Variants in TMEM132D observed in about 807,000 individuals in gnomAD.
The protein encoded by TMEM132D is transmembrane protein 132D, also known as mature OL transmembrane protein.
In TMEM132D, 21 loss-of-function variants were observed where a neutral mutation model predicts 62.3. That is an observed-to-expected ratio of 0.34 (90% confidence interval 0.24 to 0.49). TMEM132D has a LOEUF of 0.49. TMEM132D is among the 20% of genes least tolerant of loss of function. TMEM132D has a pLI of 0.99. For synonymous variants in TMEM132D, 621 were observed against 575.6 expected, an observed-to-expected ratio of 1.08 and a Z score of -1.13; for missense variants, 1,346 against 1,402.8, an observed-to-expected ratio of 0.96 and a Z score of 0.65.
At chr12:129,228,478 T>TA (rs981552046) in intron 4 of TMEM132D, among the ~76,000 whole-genome samples, 10 of 152,030 alleles carry the variant, frequency 6.6e-5, no homozygotes, top group Non-Finnish European at 1.2e-4. Context: ...TTTATTGCCT[T>TA]AAAAAAAATC....
At chr12:129,185,323 G>GA (rs1224004006) in intron 5 of TMEM132D, among the ~76,000 whole-genome samples, 3 of 151,770 alleles carry the variant, frequency 2.0e-5, no homozygotes, top group Admixed American at 2.0e-4. Flanking sequence ...AGCAGTTACA[G>GA]AAAAAAAGAA....
At chr12:129,235,880 G>A (rs1453542681) in intron 4 of TMEM132D, among the ~76,000 whole-genome samples, 1 of 152,048 alleles carries the variant, frequency 6.6e-6, no homozygotes, top group African/African-American at 2.4e-5. Flanking sequence ...ACATTTCTAT[G>A]AGAAATGCCA....
intron 3 of TMEM132D, among the ~76,000 whole-genome samples, chr12:129,492,764 C>T (rs961402731): frequency 2.0e-5 from 3 of 152,066 alleles, no homozygotes; most frequent in African/African-American, 4.8e-5. Context: ...TAGAGTCACG[C>T]GAGACTGCTT....
At chr12:129,427,452 T>A (rs1566065252) in intron 3 of TMEM132D, among the ~76,000 whole-genome samples, 3 of 152,074 alleles carry the variant, frequency 2.0e-5, no homozygotes, top group Non-Finnish European at 4.4e-5. Flanking sequence ...ATATACCTAA[T>A]GTTAAATGAC....
chr12:129,629,526 G>A (rs953337905), intron 2 of TMEM132D, among the ~76,000 whole-genome samples: 4 of 152,112 alleles, frequency 2.6e-5, no homozygotes, highest in African/African-American at 9.6e-5. Flanking sequence ...ATCCCATCTC[G>A]GTTTAACTCT....
chr12:129,275,953 C>T (rs1880994302), intron 4 of TMEM132D, among the ~76,000 whole-genome samples: 1 of 152,172 alleles, frequency 6.6e-6, no homozygotes, highest in Non-Finnish European at 1.5e-5. Context: ...ACAGCGTGGG[C>T]CATGCTGCAG....
intron 3 of TMEM132D, among the ~76,000 whole-genome samples, chr12:129,392,382 C>G (rs867271170): frequency 7.9e-5 from 12 of 152,180 alleles, no homozygotes; most frequent in Non-Finnish European, 1.0e-4. Flanking sequence ...CTTAAAAGTT[C>G]CCAGCTGACT....
At chr12:129,191,778 C>T (rs555404545) in intron 5 of TMEM132D, among the ~76,000 whole-genome samples, 1 of 144,388 alleles carries the variant, frequency 6.9e-6, no homozygotes, top group Non-Finnish European at 1.5e-5. Context: ...CACACACACA[C>T]ATACACACAC....
At chr12:129,704,705 G>A (rs565474129) in intron 1 of TMEM132D, among the ~76,000 whole-genome samples, 72 of 152,026 alleles carry the variant, frequency 4.7e-4, no homozygotes, top group African/African-American at 1.3e-3. Flanking sequence ...AACATGCAAC[G>A]CCAATGTAAA....
rs1871036095 is a variant in TMEM132D, at chr12:129,779,066, G to A, written c.80-78368C>T. Among the ~76,000 whole-genome samples the A allele has an allele frequency of 6.6e-6, 1 of 152,134 alleles. No individual in the cohort carries two copies. Among genetic ancestry groups the A allele is most frequent in the African/African-American group, 2.4e-5 (1 of 41,408 alleles). On this transcript the variant is annotated intron_variant, in intron 1 of 8. Coordinates refer to ENST00000422113, the MANE Select transcript of TMEM132D (RefSeq NM_133448.3). The surrounding 1 kb of genome is among the most constrained non-coding windows in gnomAD (Gnocchi z 4.1). ...TGGCTGAGAGGGAGCCTGACCCCTT[G>A]CCTCTTTTTCCGTCAATGTCCTTAC...
At chr12:129,767,008 CT>C (rs1203341736) in intron 1 of TMEM132D, among the ~76,000 whole-genome samples, 1 of 152,202 alleles carries the variant, frequency 6.6e-6, no homozygotes, top group East Asian at 1.9e-4. Context: ...ACAGCCGCCC[CT>C]GGGCTGTTGC....
intron 3 of TMEM132D, among the ~76,000 whole-genome samples, chr12:129,397,446 C>T (rs2135698157): frequency 6.6e-6 from 1 of 152,274 alleles, no homozygotes; most frequent in Middle Eastern, 3.4e-3. Context: ...CTGACGAACA[C>T]CGTAAAACTA....
At chr12:129,369,023 AGACCCT>A (rs1870512722) in intron 3 of TMEM132D, among the ~76,000 whole-genome samples, 1 of 152,216 alleles carries the variant, frequency 6.6e-6, no homozygotes. Flanking sequence ...TAGAAGGTTG[AGACCCT>A]GTGGTATCAA....
intron 3 of TMEM132D, among the ~76,000 whole-genome samples, chr12:129,456,182 C>A (rs2135729471): frequency 6.6e-6 from 1 of 152,272 alleles, no homozygotes; most frequent in East Asian, 1.9e-4. Flanking sequence ...TTACTCTCCC[C>A]ACTAATGCCA....
chr12:129,547,853 CAG>C (rs1876782494), intron 2 of TMEM132D, among the ~76,000 whole-genome samples: 1 of 152,192 alleles, frequency 6.6e-6, no homozygotes, highest in Admixed American at 6.5e-5. Flanking sequence ...CTCTGCAGCA[CAG>C]AGAGGTTGAG....
At chr12:129,266,567 C>T (rs1880701565) in intron 4 of TMEM132D, among the ~76,000 whole-genome samples, 2 of 148,654 alleles carry the variant, frequency 1.3e-5, no homozygotes, top group South Asian at 4.4e-4. Flanking sequence ...CTCCTTTCCT[C>T]TTCATTTTCT....
chr12:129,179,645 C>G (rs1878009945), intron 5 of TMEM132D, among the ~76,000 whole-genome samples: 1 of 152,224 alleles, frequency 6.6e-6, no homozygotes, highest in African/African-American at 2.4e-5. Flanking sequence ...TCAGTGCTCA[C>G]AGAGAAACTT....
chr12:129,084,486 GA>G lies in TMEM132D; in HGVS notation c.1649+10del, dbSNP rs1565958079. ...CCTTAGCCTGCCATGGAGTTTCAGG[GA>G]CATACCCACCTCCTGCTGGAGACGA... On this transcript the variant is annotated intron_variant, in intron 6 of 8. Transcript: ENST00000422113. 1 of 1,581,016 alleles carries G rather than the reference GA, an allele frequency of 6.3e-7. No individual in the cohort carries two copies. Among genetic ancestry groups the G allele is most frequent in the South Asian group, 1.2e-5 (1 of 83,230 alleles).
intron 1 of TMEM132D, among the ~76,000 whole-genome samples, chr12:129,777,049 C>T (rs894797800): frequency 2.4e-4 from 37 of 152,066 alleles, no homozygotes; most frequent in African/African-American, 8.7e-4. Flanking sequence ...TTTAGAAAAC[C>T]CTAGAGAATG....
Sources: allele counts gnomAD v4.1 joint callset (sites outside exome capture counted in the v4.1 genomes callset), GRCh38; gene constraint gnomAD v4.1.1; non-coding constraint Gnocchi (gnomAD v3.1); transcripts MANE v1.5; gene names NCBI Gene and HGNC (gene_info 2026-07-23, HGNC 2026-07-21).